TSPAN18: variants seen among roughly 807,000 people sequenced by gnomAD.
TSPAN18 encodes tetraspanin 18.
A neutral mutation model predicts 27.3 loss-of-function variants in TSPAN18; 14 were observed. That is an observed-to-expected ratio of 0.51 (90% confidence interval 0.34 to 0.80). The LOEUF (loss-of-function observed/expected upper bound fraction) is 0.80. Ranked by LOEUF, TSPAN18 falls within the 30% of genes least tolerant of loss-of-function variation. The pLI is 0.01. For missense variants in TSPAN18, 268 were observed against 323.9 expected, an observed-to-expected ratio of 0.83 and a Z score of 1.32; for synonymous variants, 143 against 136.5, an observed-to-expected ratio of 1.05 and a Z score of -0.33.
intron 1 of TSPAN18, among the ~76,000 whole-genome samples, chr11:44,734,636 G>T (rs991637571): frequency 4.6e-5 from 7 of 152,230 alleles, no homozygotes; most frequent in African/African-American, 1.7e-4. Context: ...GCAACCTTGG[G>T]CTGGACTCTT....
At chr11:44,728,365 CG>C (rs1487495151) in intron 1 of TSPAN18, among the ~76,000 whole-genome samples, 2 of 152,188 alleles carry the variant, frequency 1.3e-5, no homozygotes, top group African/African-American at 4.8e-5. Flanking sequence ...AACTTTTTGA[CG>C]GTTTTTGGAG....
At chr11:44,756,483 G>T (rs60439939) in intron 1 of TSPAN18, among the ~76,000 whole-genome samples, 1 of 151,578 alleles carries the variant, frequency 6.6e-6, no homozygotes, top group Non-Finnish European at 1.5e-5. Flanking sequence ...TCATAATGTT[G>T]TGCAACCGTC....
chr11:44,765,103 G>A (rs1855536820), intron 2 of TSPAN18, among the ~76,000 whole-genome samples: 1 of 152,178 alleles, frequency 6.6e-6, no homozygotes, highest in Admixed American at 6.5e-5. Flanking sequence ...CCTCATGGAA[G>A]CTTTCTGGAT....
intron 2 of TSPAN18, among the ~76,000 whole-genome samples, chr11:44,846,837 C>A (rs1857495679): frequency 6.6e-6 from 1 of 152,178 alleles, no homozygotes. Context: ...AGGACTTGTG[C>A]CTGGGAGTGG....
chr11:44,907,954 C>A (rs1001798302), intron 4 of TSPAN18, among the ~76,000 whole-genome samples: 1 of 151,108 alleles, frequency 6.6e-6, no homozygotes, highest in African/African-American at 2.4e-5. Flanking sequence ...ACTCGGGAGG[C>A]TGAGGCAGGA....
intron 2 of TSPAN18, among the ~76,000 whole-genome samples, chr11:44,805,965 G>T (rs1467882461): frequency 1.3e-5 from 2 of 151,718 alleles, no homozygotes; most frequent in African/African-American, 4.8e-5. Context: ...AATGACCTCC[G>T]CAGAGATTCT....
At chr11:44,852,500 T>C (rs565063864) in intron 2 of TSPAN18, among the ~76,000 whole-genome samples, 3 of 147,498 alleles carry the variant, frequency 2.0e-5, no homozygotes, top group Non-Finnish European at 4.5e-5. Flanking sequence ...GAATGACTCA[T>C]GTTGCTACTT....
At chr11:44,772,028 G>A (rs1395567595) in intron 2 of TSPAN18, among the ~76,000 whole-genome samples, 1 of 152,226 alleles carries the variant, frequency 6.6e-6, no homozygotes, top group East Asian at 1.9e-4. Flanking sequence ...CCAAGGGCAG[G>A]AGAAGCCCAG....
intron 1 of TSPAN18, among the ~76,000 whole-genome samples, chr11:44,737,185 A>G (rs926876746): frequency 6.6e-6 from 1 of 152,232 alleles, no homozygotes; most frequent in African/African-American, 2.4e-5. Context: ...TGGGGAGGCC[A>G]TAGCACCAAA....
intron 2 of TSPAN18, among the ~76,000 whole-genome samples, chr11:44,789,123 T>A (rs1331396919): frequency 6.6e-6 from 1 of 152,234 alleles, no homozygotes; most frequent in Non-Finnish European, 1.5e-5. Context: ...TCTCTGGGTT[T>A]CATTCACCCA....
At chr11:44,810,925 G>C (rs1856699953) in intron 2 of TSPAN18, among the ~76,000 whole-genome samples, 1 of 152,022 alleles carries the variant, frequency 6.6e-6, no homozygotes, top group Non-Finnish European at 1.5e-5. Context: ...CAATTCTTTT[G>C]AGTATATAGT....
At chr11:44,821,372 G>C (rs775887883) in intron 2 of TSPAN18, among the ~76,000 whole-genome samples, 1 of 152,184 alleles carries the variant, frequency 6.6e-6, no homozygotes, top group Non-Finnish European at 1.5e-5. Flanking sequence ...GGTCTCACTG[G>C]AGATTATTGA....
chr11:44,912,379 C>T (rs1453976694), intron 5 of TSPAN18, among the ~76,000 whole-genome samples: 2 of 151,708 alleles, frequency 1.3e-5, no homozygotes, highest in Non-Finnish European at 2.9e-5. Context: ...CTGTCCTGAT[C>T]TCTCCCTCCC....
At chr11:44,903,980 A>T (rs1189533831) in intron 3 of TSPAN18, 2 of 413,792 alleles carry the variant, frequency 4.8e-6, no homozygotes, top group Non-Finnish European at 9.8e-6. Context: ...GCACATAGTA[A>T]ATGCTCAATA....
chr11:44,905,699 G>A (rs1859429507), intron 3 of TSPAN18, among the ~76,000 whole-genome samples: 1 of 152,206 alleles, frequency 6.6e-6, no homozygotes, highest in African/African-American at 2.4e-5. Flanking sequence ...TGGCTGAATG[G>A]AATTGTGTTC....
intron 2 of TSPAN18, among the ~76,000 whole-genome samples, chr11:44,780,677 T>C (rs1343474828): frequency 1.3e-5 from 2 of 152,254 alleles, no homozygotes; most frequent in Non-Finnish European, 2.9e-5. Context: ...GAATCCAGTC[T>C]GTGTCTGGAA....
chr11:44,847,601 C>T (rs2135180595), intron 2 of TSPAN18, among the ~76,000 whole-genome samples: 1 of 152,222 alleles, frequency 6.6e-6, no homozygotes, highest in South Asian at 2.1e-4. Flanking sequence ...CATTTGTGTA[C>T]CAGTATTTGT....
chr11:44,906,333 C>G lies in TSPAN18; in HGVS notation c.-10-74C>G, dbSNP rs376219071. 3 of 1,385,718 alleles carry G rather than the reference C, an allele frequency of 2.2e-6. No homozygotes were observed. The African/African-American group carries it at 4.3e-5, about 20-fold the overall frequency. The allele number at this position is 1,385,718 out of a possible 1,614,324, so 85.8% of individuals were successfully genotyped here. A position where few individuals can be genotyped will look rare whatever the true frequency, so the allele number is the denominator to read the frequency against. On this transcript the variant is annotated intron_variant, in intron 3 of 9. Coordinates refer to ENST00000520358, the MANE Select transcript of TSPAN18 (RefSeq NM_130783.5). ...AAGGGTGGGGCTGGCTGCGGGGAACCCCTGGGGAGGGGCTGGGGTTCTTCC... is the reference window on the plus strand; with the variant it reads ...AAGGGTGGGGCTGGCTGCGGGGAACGCCTGGGGAGGGGCTGGGGTTCTTCC...
chr11:44,729,865 G>A (rs941311824), intron 1 of TSPAN18, among the ~76,000 whole-genome samples: 2 of 152,166 alleles, frequency 1.3e-5, no homozygotes, highest in Non-Finnish European at 2.9e-5. Flanking sequence ...GTGGGAGGGG[G>A]TGCCAGGAAG....
Sources: gnomAD v4.1 joint callset for allele counts (sites outside exome capture counted in the v4.1 genomes callset) on GRCh38, gnomAD v4.1.1 for gene constraint, MANE v1.5 for transcripts, NCBI Gene and HGNC (gene_info 2026-07-23, HGNC 2026-07-21) for gene names.